CHD2: variants seen among roughly 807,000 people sequenced by gnomAD.
CHD2 encodes ATP-dependent chromatin remodeler CHD2.
In CHD2, 28 loss-of-function variants were observed where a neutral mutation model predicts 243.9. The observed-to-expected ratio is 0.11, with a 90% CI of 0.09 to 0.16. The LOEUF is 0.16. Among genes scored for constraint, CHD2 ranks in the 10% least tolerant of loss-of-function variants. CHD2 has a pLI of 1.00. For missense variants in CHD2, 1,386 were observed against 2,209.8 expected, an observed-to-expected ratio of 0.63 and a Z score of 7.47; for synonymous variants, 775 against 779.0, an observed-to-expected ratio of 0.99 and a Z score of 0.09.
At chr15:92,940,960 T>A (rs1254985691) in intron 7 of CHD2, among the ~76,000 whole-genome samples, 1 of 29,534 alleles carries the variant, frequency 3.4e-5, no homozygotes, top group African/African-American at 8.5e-5. Flanking sequence ...TATAAATATA[T>A]ATAAATATAA....
At chr15:92,932,437 TC>T in intron 5 of CHD2, among the ~76,000 whole-genome samples, 2 of 1,968 alleles carry the variant, frequency 1.0e-3, no homozygotes, top group Admixed American at 7.0e-3. Context: ...TGCTGACCCT[TC>T]CCCCTCCCCC....
chr15:92,963,987 A>G (rs993413341), intron 16 of CHD2, among the ~76,000 whole-genome samples: 2 of 152,228 alleles, frequency 1.3e-5, no homozygotes, highest in Admixed American at 1.3e-4. Flanking sequence ...AGTGGATGGT[A>G]GGGATTTTGC....
At chr15:92,921,801 A>G (rs1351845483) in intron 2 of CHD2, among the ~76,000 whole-genome samples, 1 of 152,172 alleles carries the variant, frequency 6.6e-6, no homozygotes, top group East Asian at 1.9e-4. Flanking sequence ...ACATAGGTTG[A>G]CACAAGTTAA....
intron 2 of CHD2, among the ~76,000 whole-genome samples, chr15:92,904,170 T>C (rs974014940): frequency 2.0e-5 from 3 of 152,230 alleles, no homozygotes; most frequent in Admixed American, 2.0e-4. Flanking sequence ...CCCTGGCATC[T>C]TGATGCAGGT....
Position 92,979,529 on chromosome 15 carries a change from T to C in CHD2, c.2876+246T>C, listed in dbSNP as rs17610312. Among the ~76,000 whole-genome samples the C allele has an allele frequency of 0.078, 11,877 of 152,226 alleles. 497 individuals are homozygous for C. The highest frequency in any genetic ancestry group is 0.2 in the Middle Eastern group (58 of 294). On this transcript the variant is annotated intron_variant, in intron 22 of 38. Coordinates refer to ENST00000394196, the MANE Select transcript of CHD2 (RefSeq NM_001271.4). ...CCTTACCTTTGCTTTTGGCTGCTCA[T>C]GTGACATATGACACAGCAACAGCAG...
At chr15:92,918,184 C>CA (rs970522076) in intron 2 of CHD2, among the ~76,000 whole-genome samples, 11 of 152,196 alleles carry the variant, frequency 7.2e-5, no homozygotes, top group African/African-American at 2.7e-4. Flanking sequence ...CACTTCGTTT[C>CA]AAAGTCCAGT....
At chr15:92,928,576 A>T (rs2053108198) in intron 4 of CHD2, among the ~76,000 whole-genome samples, 1 of 152,210 alleles carries the variant, frequency 6.6e-6, no homozygotes, top group South Asian at 2.1e-4. Context: ...TTTTTATTTG[A>T]TAGTCTCAAT....
At position 93,000,509 on chromosome 15, in the gene CHD2, C is replaced by T; in HGVS notation, c.4009-3C>T. 6.2e-7 allele frequency: 1 copy of T among 1,602,950 alleles called. No homozygotes were observed. The highest frequency in any genetic ancestry group is 1.3e-5 in the African/African-American group (1 of 74,202). ...TTAATCATCATTTTCTCTCCTTTTC[C>T]AGGCCAAATTAAAGAAGCGGAAGCC... On this transcript the variant is annotated splice_polypyrimidine_tract_variant and splice_region_variant and intron_variant, in intron 31 of 38. Coordinates refer to ENST00000394196, the MANE Select transcript of CHD2 (RefSeq NM_001271.4).
In CHD2 at chr15:93,014,622, G is replaced by A. The variant is rs1015951864; in HGVS notation, c.4693-74G>A. The A allele has an allele frequency of 1.1e-5, 15 of 1,341,942 alleles. No individual in the cohort carries two copies. In the African/African-American group the frequency reaches 2.2e-4, roughly 20 times the overall value. 83.1% of individuals were successfully genotyped at this position (1,341,942 alleles called of 1,614,324 possible). A position where few individuals can be genotyped will look rare whatever the true frequency, so the allele number is the denominator to read the frequency against. ...AAGGACAAGAAGGAGCTGTTTAGAG[G>A]TGATAGCCTTTATTCTTCTCTGGGG... is the stretch of plus-strand genomic sequence containing the variant. On this transcript the variant is annotated intron_variant, in intron 36 of 38. Coordinates refer to ENST00000394196, the MANE Select transcript of CHD2 (RefSeq NM_001271.4).
chr15:93,020,070 A>G lies in CHD2; in HGVS notation c.4965A>G (p.Pro1655=), dbSNP rs949864876. 3 of 1,614,074 alleles carry G rather than the reference A, an allele frequency of 1.9e-6. No individual in the cohort carries two copies. The highest frequency in any genetic ancestry group is 2.7e-5 in the African/African-American group (2 of 74,910). Residue 1655 remains proline (P), a synonymous_variant, in exon 38 of 39, where the codon CCA becomes CCG. Transcript: ENST00000394196. ...KFNYGGGNNN[P]PWGSDRHHQY... is the part of the protein sequence containing the mutation. ...ACTATGGTGGTGGCAACAACAATCCACCATGGGGAAGCGACAGGCACCATC... is the reference window on the plus strand; with the variant it reads ...ACTATGGTGGTGGCAACAACAATCCGCCATGGGGAAGCGACAGGCACCATC...
In CHD2 at chr15:93,020,481, G is replaced by A. The variant is rs578240661; in HGVS notation, c.5153+223G>A. 1.6e-4 allele frequency: 102 copies of A among 621,498 alleles called. 1 individual carries two copies. Among genetic ancestry groups the A allele is most frequent in the Middle Eastern group, 8.7e-4 (2 of 2,308 alleles). 38.5% of individuals were successfully genotyped at this position (621,498 alleles called of 1,614,324 possible). On this transcript the variant is annotated intron_variant, in intron 38 of 38. Transcript: ENST00000394196. ...CTGTGCAGGAAAAGAGTTTTCTGCC[G>A]TCTTTTGAGGAAATCTAGTGAAGAG...
At chr15:92,953,336 A>T (rs750514453) in intron 13 of CHD2, 21 bp from the exon 14 acceptor site, 14 of 1,601,836 alleles carry the variant, frequency 8.7e-6, no homozygotes, top group Admixed American at 6.9e-5. Context: ...TTTTGTTTTT[A>T]TTTATTTTTT....
intron 2 of CHD2, among the ~76,000 whole-genome samples, chr15:92,902,989 A>AG (rs1451646706): frequency 6.6e-6 from 1 of 152,216 alleles, no homozygotes; most frequent in African/African-American, 2.4e-5. Context: ...CTGGTAGTGG[A>AG]GGTTACAGCT....
intron 16 of CHD2, among the ~76,000 whole-genome samples, chr15:92,962,379 T>A (rs1182386429): frequency 6.6e-6 from 1 of 152,198 alleles, no homozygotes; most frequent in Non-Finnish European, 1.5e-5. Context: ...TGTGTTTTTG[T>A]TTTCATTTGA....
rs563383772 is a variant in CHD2 at position 92,968,078 on chromosome 15, G to A, written c.2189+565G>A. ...GTTTGGGGATCGATATAAGCTCCAT[G>A]CATTTTGATTGGTTGGTATGTCTCT... On this transcript the variant is annotated intron_variant, in intron 17 of 38. Coordinates refer to ENST00000394196, the MANE Select transcript of CHD2 (RefSeq NM_001271.4). 3.3e-5 allele frequency among the ~76,000 whole-genome samples: 5 copies of A among 152,086 alleles called. No homozygotes were observed. The East Asian group carries it at 9.7e-4, about 29-fold the overall frequency.
At chr15:92,915,529 C>G (rs2052818016) in intron 2 of CHD2, among the ~76,000 whole-genome samples, 1 of 152,104 alleles carries the variant, frequency 6.6e-6, no homozygotes, top group Non-Finnish European at 1.5e-5. Context: ...CCTCGGCCTC[C>G]CAAAGTGCTG....
rs906112685 is a variant in CHD2 at position 92,979,074 on chromosome 15, C to A, written c.2728-61C>A. The A allele has an allele frequency of 5.1e-6, 8 of 1,577,456 alleles. No homozygotes were observed. In the Admixed American group the frequency reaches 7.5e-5, roughly 15 times the overall value. On this transcript the variant is annotated intron_variant, in intron 21 of 38. Transcript: ENST00000394196. ...GTTTTGACAGAGCTAATCCTTCTCT[C>A]TTTTTTTGGGGGGGTTGGGGGGTGG...
chr15:92,959,107 A>G (rs969332265), intron 16 of CHD2, among the ~76,000 whole-genome samples: 3 of 152,212 alleles, frequency 2.0e-5, no homozygotes, highest in Non-Finnish European at 4.4e-5. Context: ...AGTTTAATTT[A>G]TGGATTTCTT....
chr15:92,920,614 A>T (rs773349073), intron 2 of CHD2, among the ~76,000 whole-genome samples: 1 of 152,320 alleles, frequency 6.6e-6, no homozygotes, highest in South Asian at 2.1e-4. Context: ...TCTAGTTGGT[A>T]AAGATTTTCA....
Sources: gnomAD v4.1 joint callset for allele counts (sites outside exome capture counted in the v4.1 genomes callset) on GRCh38, gnomAD v4.1.1 for gene constraint, MANE v1.5 for transcripts, NCBI Gene and HGNC (gene_info 2026-07-23, HGNC 2026-07-21) for gene names.